The following TIMP3 variants were observed in gnomAD, a reference collection of about 807,000 sequenced individuals.
The protein encoded by TIMP3 is metalloproteinase inhibitor 3.
A neutral mutation model predicts 30.0 loss-of-function variants in TIMP3; 11 were observed. The ratio of observed to expected loss-of-function variants is 0.37; its 90% CI spans 0.23 to 0.61. The LOEUF is 0.61. Among genes scored for constraint, TIMP3 ranks in the 20% least tolerant of loss-of-function variants. The probability of loss-of-function intolerance (pLI) is 0.70; values close to 1 mark genes in which losing one functional copy is unlikely to be tolerated. For missense variants in TIMP3, 181 were observed against 276.8 expected (o/e 0.65, Z 2.45); for synonymous variants, 112 against 111.3 (o/e 1.01, Z -0.04).
In TIMP3 at chr22:32,857,233, T is replaced by A. The variant is rs542900432; in HGVS notation, c.205-16T>A. On this transcript the variant is annotated splice_polypyrimidine_tract_variant and intron_variant, in intron 2 of 4. Coordinates refer to ENST00000266085, the MANE Select transcript of TIMP3 (RefSeq NM_000362.5). ...AACTGGGAAAGAAGAAGTCATGATG[T>A]TCCTTTTGCCCACAGATGTACCGAG... The A allele has an allele frequency of 8.6e-5, 137 of 1,597,896 alleles. 3 individuals carry two copies. The Middle Eastern group carries it at 1.0e-3, about 12-fold the overall frequency.
chr22:32,817,112 T>C lies in TIMP3; in HGVS notation c.121+14990T>C, dbSNP rs924049941. Among the ~76,000 whole-genome samples, 12 of 151,666 alleles carry C rather than the reference T, an allele frequency of 7.9e-5. No homozygotes were observed. In the East Asian group the frequency reaches 2.3e-3, roughly 29 times the overall value. The stretch of plus-strand genomic sequence containing the variant: ...TTGGGCCTGTAGTCCCAGTTACTCT[T>C]GAGGCTTAGGTGGGAGAATCGCTTG... On this transcript the variant is annotated intron_variant, in intron 1 of 4. Transcript: ENST00000266085.
chr22:32,814,135 T>TGAGA (rs769677665), intron 1 of TIMP3, among the ~76,000 whole-genome samples: 19 of 72,110 alleles, frequency 2.6e-4, no homozygotes, highest in African/African-American at 9.7e-4. Flanking sequence ...TGTGTGTGTG[T>TGAGA]GTGTGTGAGA....
chr22:32,824,094 C>T (rs1168424101), intron 1 of TIMP3, among the ~76,000 whole-genome samples: 7 of 151,910 alleles, frequency 4.6e-5, no homozygotes, highest in African/African-American at 9.7e-5. Flanking sequence ...CTGGCTAACA[C>T]GGTGAAACCC....
At chr22:32,830,140 G>T (rs557857972) in intron 1 of TIMP3, among the ~76,000 whole-genome samples, 1 of 152,180 alleles carries the variant, frequency 6.6e-6, no homozygotes. Flanking sequence ...GTCCCAGCTA[G>T]TACTTTGCAT....
chr22:32,849,348 T>C (rs2146243340), intron 1 of TIMP3, 104 bp from the exon 2 acceptor site: 2 of 915,376 alleles, frequency 2.2e-6, no homozygotes, highest in East Asian at 5.3e-5. Context: ...AAGGTAAGAG[T>C]GCAATTCCAG....
chr22:32,818,225 A>G (rs1330200600), intron 1 of TIMP3, among the ~76,000 whole-genome samples: 1 of 152,240 alleles, frequency 6.6e-6, no homozygotes, highest in Non-Finnish European at 1.5e-5. Flanking sequence ...GATATTTTGC[A>G]GTAGTCTACA....
chr22:32,845,773 T>C (rs2048043864), intron 1 of TIMP3, among the ~76,000 whole-genome samples: 1 of 152,194 alleles, frequency 6.6e-6, no homozygotes, highest in African/African-American at 2.4e-5. Flanking sequence ...TGGCTAGACA[T>C]GCTGCCAGTT....
chr22:32,835,578 C>G (rs186862064), intron 1 of TIMP3, among the ~76,000 whole-genome samples: 205 of 152,186 alleles, frequency 1.3e-3, no homozygotes, highest in African/African-American at 4.7e-3. Flanking sequence ...GGGTCTCATG[C>G]AGATAGAATG....
intron 1 of TIMP3, among the ~76,000 whole-genome samples, chr22:32,836,191 G>C (rs187791714): frequency 6.6e-6 from 1 of 152,210 alleles, no homozygotes; most frequent in Non-Finnish European, 1.5e-5. Flanking sequence ...AGAGTAAGAT[G>C]TACTGTTTGT....
At chr22:32,839,654 A>C (rs182324206) in intron 1 of TIMP3, among the ~76,000 whole-genome samples, 5 of 152,270 alleles carry the variant, frequency 3.3e-5, no homozygotes, top group Middle Eastern at 6.8e-3. Flanking sequence ...GACTTTAAGC[A>C]GTTAGATTAA....
At chr22:32,856,770 G>A (rs56060912) in intron 2 of TIMP3, among the ~76,000 whole-genome samples, 6 of 151,974 alleles carry the variant, frequency 3.9e-5, no homozygotes, top group Non-Finnish European at 7.4e-5. Flanking sequence ...CTTGTTCTGC[G>A]TACTCGTATT....
intron 1 of TIMP3, among the ~76,000 whole-genome samples, chr22:32,844,859 C>G (rs563947345): frequency 2.0e-5 from 3 of 151,916 alleles, no homozygotes; most frequent in Non-Finnish European, 4.4e-5. Flanking sequence ...TACAGATACA[C>G]GGCACCATGC....
At chr22:32,802,236 G>GAAA in intron 1 of TIMP3, 114 bp downstream of exon 1, 4 of 1,443,968 alleles carry the variant, frequency 2.8e-6, no homozygotes, top group South Asian at 1.3e-5. Context: ...AGGGGCAGAC[G>GAAA]GGGTTGGGGC....
Position 32,857,353 on chromosome 22 carries a change from G to A in TIMP3, c.309G>A (p.Leu103=), listed in dbSNP as rs1198330291. 2 of 1,613,724 alleles carry A rather than the reference G, an allele frequency of 1.2e-6. No individual in the cohort carries two copies. The highest frequency in any genetic ancestry group is 1.1e-5 in the South Asian group (1 of 91,072). Residue 103 remains leucine (L), a synonymous_variant, in exon 3 of 5, where the codon CTG becomes CTA. Coordinates refer to ENST00000266085, the MANE Select transcript of TIMP3 (RefSeq NM_000362.5). ...LKLEVNKYQY[L]LTGRVYDGKM... is the part of the protein sequence containing the mutation. ...TGGAGGTCAACAAGTACCAGTACCT[G>A]CTGACAGGTAATGGCCAACTCTAGC...
chr22:32,853,772 T>C (rs1442210765), intron 2 of TIMP3, among the ~76,000 whole-genome samples: 1 of 152,236 alleles, frequency 6.6e-6, no homozygotes, highest in African/African-American at 2.4e-5. Context: ...TTTTATTGAA[T>C]GTTGTGGGCT....
At chr22:32,856,678 T>C (rs1431964198) in intron 2 of TIMP3, among the ~76,000 whole-genome samples, 1 of 152,218 alleles carries the variant, frequency 6.6e-6, no homozygotes, top group Non-Finnish European at 1.5e-5. Flanking sequence ...ATCTGAATTA[T>C]CCTCTACTAG....
At chr22:32,853,254 C>T (rs1251307856) in intron 2 of TIMP3, among the ~76,000 whole-genome samples, 2 of 152,216 alleles carry the variant, frequency 1.3e-5, no homozygotes, top group Non-Finnish European at 2.9e-5. Context: ...TCCATTTCTA[C>T]ATTCTCTGCC....
chr22:32,847,212 G>A (rs2048090645), intron 1 of TIMP3, among the ~76,000 whole-genome samples: 1 of 152,218 alleles, frequency 6.6e-6, no homozygotes, highest in Non-Finnish European at 1.5e-5. Context: ...AGGTGAAGCT[G>A]TTATAACCTG....
chr22:32,831,296 G>C (rs377635055), intron 1 of TIMP3, among the ~76,000 whole-genome samples: 2 of 152,210 alleles, frequency 1.3e-5, no homozygotes, highest in Admixed American at 1.3e-4. Context: ...GGGAGGACGG[G>C]GCTGGATGGT....
Sources: allele counts gnomAD v4.1 joint callset (sites outside exome capture counted in the v4.1 genomes callset), GRCh38; gene constraint gnomAD v4.1.1; transcripts MANE v1.5; gene names NCBI Gene and HGNC (gene_info 2026-07-23, HGNC 2026-07-21).